ADGRE3: variants seen among roughly 807,000 people sequenced by gnomAD.
ADGRE3 encodes adhesion G protein-coupled receptor E3.
ADGRE3 carries 88 observed loss-of-function variants against 80.1 expected under a neutral mutation model. The ratio of observed to expected loss-of-function variants is 1.10; its 90% confidence interval spans 0.93 to 1.31. ADGRE3 has a LOEUF of 1.31. ADGRE3 is among the 40% of genes most tolerant of loss of function. ADGRE3 has a pLI of 0.00. For missense variants in ADGRE3, 715 were observed against 776.5 expected, an observed-to-expected ratio of 0.92 and a Z score of 0.94; for synonymous variants, 281 against 294.8, an observed-to-expected ratio of 0.95 and a Z score of 0.48.
In ADGRE3 at chr19:14,644,266, TG is replaced by T; in HGVS notation, c.891del (p.Ser298ValfsTer26). ...TLTFQHVKMT[P>X]STKKVFCVYW... ...TAGACACAGAAGACCTTTTTGGTAC[TG>T]GGGGTCATCTGAAAATAGAAAATAG... On this transcript the variant is annotated frameshift_variant, in exon 9 of 16. Transcript: ENST00000253673. LOFTEE classifies it high-confidence loss of function. 1 of 1,527,384 alleles carries T rather than the reference TG, an allele frequency of 6.5e-7. No homozygotes were observed. Among genetic ancestry groups the T allele is most frequent in the Non-Finnish European group, 8.8e-7 (1 of 1,136,830 alleles). The allele number at this position is 1,527,384 out of a possible 1,614,324, so 94.6% of individuals were successfully genotyped here. A position where few individuals can be genotyped will look rare whatever the true frequency, so the allele number is the denominator to read the frequency against.
intron 2 of ADGRE3, among the ~76,000 whole-genome samples, chr19:14,664,408 A>T (rs1972036229): frequency 6.6e-6 from 1 of 152,072 alleles, no homozygotes; most frequent in South Asian, 2.1e-4. Context: ...TTGTGATCGC[A>T]CCACGGTGAG....
chr19:14,607,483 G>C, the ADGRE3 span, among the ~76,000 whole-genome samples: 4 of 151,720 alleles, frequency 2.6e-5, no homozygotes, highest in South Asian at 2.1e-4. Flanking sequence ...GATTACAGGC[G>C]TGAGCCACCG....
Position 14,653,377 on chromosome 19 carries a change from T to C in ADGRE3, c.577+1605A>G, listed in dbSNP as rs1778779378. ...TGTTTTTATATTATTTAATATTTTC[T>C]ACATTAAACTATGTGTTTCCTGTAA... On this transcript the variant is annotated intron_variant, in intron 6 of 15. Coordinates refer to ENST00000253673, the MANE Select transcript of ADGRE3 (RefSeq NM_032571.5). Among the ~76,000 whole-genome samples the C allele has an allele frequency of 4.6e-5, 7 of 152,300 alleles. No homozygotes were observed. The South Asian group carries it at 1.4e-3, about 32-fold the overall frequency.
At chr19:14,651,048 C>G in intron 7 of ADGRE3, 37 bp downstream of exon 7, 4 of 1,611,908 alleles carry the variant, frequency 2.5e-6, no homozygotes, top group Non-Finnish European at 3.4e-6. Flanking sequence ...TGACATGGCT[C>G]TGTGTGAAGG....
chr19:14,606,499 C>T, the ADGRE3 span, among the ~76,000 whole-genome samples: 31 of 151,700 alleles, frequency 2.0e-4, no homozygotes, highest in African/African-American at 7.3e-4. Context: ...GTCAACATGG[C>T]GAAAGCCCGT....
chr19:14,657,976 G>A (rs1297018604), intron 5 of ADGRE3, among the ~76,000 whole-genome samples: 1 of 151,990 alleles, frequency 6.6e-6, no homozygotes, highest in Non-Finnish European at 1.5e-5. Context: ...TGTTGGCCAG[G>A]CTGGTCTCGA....
At chr19:14,621,421 T>C (rs113571414) in intron 15 of ADGRE3, among the ~76,000 whole-genome samples, 14,295 of 151,538 alleles carry the variant, frequency 0.094, 727 homozygotes, top group African/African-American at 0.12. Flanking sequence ...CACCACTGTA[T>C]TCTAGCCTGG....
At chr19:14,674,414 T>C (rs143426768) in intron 1 of ADGRE3, among the ~76,000 whole-genome samples, 2,901 of 152,236 alleles carry the variant, frequency 0.019, 47 homozygotes, top group Non-Finnish European at 0.03. Context: ...GGAGAATCAC[T>C]TGAACCCGGG....
At chr19:14,602,919 G>A in the ADGRE3 span, among the ~76,000 whole-genome samples, 1 of 152,004 alleles carries the variant, frequency 6.6e-6, no homozygotes, top group East Asian at 1.9e-4. Flanking sequence ...ACTTTTGGTA[G>A]AGATGGGGTT....
At chr19:14,617,180 G>C (rs2075079457), downstream of ADGRE3, among the ~76,000 whole-genome samples, 1 of 151,848 alleles carries the variant, frequency 6.6e-6, no homozygotes, top group African/African-American at 2.4e-5. Context: ...AGACTTTTTG[G>C]ATAGAAGGGG....
intron 2 of ADGRE3, among the ~76,000 whole-genome samples, chr19:14,665,042 G>A (rs1339793693): frequency 6.8e-6 from 1 of 146,342 alleles, no homozygotes; most frequent in Non-Finnish European, 1.5e-5. Flanking sequence ...AGCTTCACAT[G>A]TGGAGCAACC....
chr19:14,625,260 A>G (rs1220913930), intron 15 of ADGRE3, among the ~76,000 whole-genome samples: 2 of 152,186 alleles, frequency 1.3e-5, no homozygotes, highest in Non-Finnish European at 2.9e-5. Context: ...GATTACAGGC[A>G]TGAGCCACCA....
the ADGRE3 span, among the ~76,000 whole-genome samples, chr19:14,602,013 C>T: frequency 2.5e-4 from 38 of 151,976 alleles, no homozygotes; most frequent in Middle Eastern, 6.8e-3. Flanking sequence ...AGGATGGTCT[C>T]GATCTCCTGA....
intron 13 of ADGRE3, among the ~76,000 whole-genome samples, chr19:14,630,740 C>T (rs1047509325): frequency 2.0e-5 from 3 of 151,970 alleles, no homozygotes; most frequent in Non-Finnish European, 2.9e-5. Context: ...AATAATTGTC[C>T]TATTTCGTGG....
At chr19:14,644,343 CA>C in intron 8 of ADGRE3, 68 bp from the exon 9 acceptor site, 1 of 1,209,950 alleles carries the variant, frequency 8.3e-7, no homozygotes, top group Non-Finnish European at 1.1e-6. Flanking sequence ...TTTTTGGAGA[CA>C]AAATCTTGCT....
downstream of ADGRE3, among the ~76,000 whole-genome samples, chr19:14,617,377 CCTTT>C (rs1312546722): frequency 7.3e-4 from 63 of 86,362 alleles, no homozygotes; most frequent in South Asian, 7.2e-3. Flanking sequence ...TTTCTTTCTT[CCTTT>C]CTTTCTTTCT....
rs780943563 is a variant in ADGRE3, at chr19:14,625,579, C to G, written c.1833G>C (p.Lys611Asn). 1.2e-6 allele frequency: 2 copies of G among 1,612,670 alleles called. No individual in the cohort carries two copies. The highest frequency in any genetic ancestry group is 2.2e-5 in the South Asian group (2 of 90,950). ...LSQQVQKQYQKWFREIVKSKS... is the reference protein window; with the variant it reads ...LSQQVQKQYQNWFREIVKSKS... ...TTGATTTTACGATCTCTCTAAACCACTTTTGATATTGTTTCTGGACCTGGA... is the reference window on the plus strand; with the variant it reads ...TTGATTTTACGATCTCTCTAAACCAGTTTTGATATTGTTTCTGGACCTGGA... The change falls in exon 15 of 16, where the codon AAG (lysine) becomes AAC (asparagine). Residue 611 changes from lysine (K) to asparagine (N), a missense_variant. Transcript: ENST00000253673.
At position 14,661,960 on chromosome 19, in the gene ADGRE3, T is replaced by G; in HGVS notation, c.355+3A>C. The G allele has an allele frequency of 6.2e-7, 1 of 1,613,918 alleles. No individual in the cohort carries two copies. The highest frequency in any genetic ancestry group is 8.5e-7 in the Non-Finnish European group (1 of 1,179,834). ...GAAGGCAGGAGGACAAAAATGTTCT[T>G]ACCCTGACAGGTGTTCTCATTGGAA... On this transcript the variant is annotated splice_donor_region_variant and intron_variant, in intron 4 of 15. Transcript: ENST00000253673.
intron 1 of ADGRE3, among the ~76,000 whole-genome samples, chr19:14,673,910 G>T (rs1000306271): frequency 6.6e-6 from 1 of 152,048 alleles, no homozygotes; most frequent in Non-Finnish European, 1.5e-5. Context: ...AGTCTTCATC[G>T]TCTATCATTC....
Sources: allele counts gnomAD v4.1 joint callset (sites outside exome capture counted in the v4.1 genomes callset), GRCh38; gene constraint gnomAD v4.1.1; transcripts MANE v1.5; gene names NCBI Gene and HGNC (gene_info 2026-07-23, HGNC 2026-07-21).